Variants in GRM7 observed in about 807,000 individuals in gnomAD.
The protein encoded by GRM7 is glutamate metabotropic receptor 7.
GRM7 carries 35 observed loss-of-function variants against 84.5 expected under a neutral mutation model. The ratio of observed to expected loss-of-function variants is 0.41; its 90% CI spans 0.32 to 0.55. GRM7 has a LOEUF of 0.55. Ranked by LOEUF, GRM7 falls within the 20% of genes least tolerant of loss-of-function variation. The pLI is 0.19. For synonymous variants in GRM7, 487 were observed against 455.1 expected, an observed-to-expected ratio of 1.07 and a Z score of -0.89; for missense variants, 1,003 against 1,194.6, an observed-to-expected ratio of 0.84 and a Z score of 2.36.
chr3:7,128,980 T>C (rs1693499442), intron 1 of GRM7, among the ~76,000 whole-genome samples: 2 of 152,210 alleles, frequency 1.3e-5, no homozygotes, highest in Admixed American at 6.5e-5. Flanking sequence ...AACTTGCTCA[T>C]GTTAAAATTC....
chr3:7,341,305 A>C (rs1559250039), intron 4 of GRM7, among the ~76,000 whole-genome samples: 1 of 151,994 alleles, frequency 6.6e-6, no homozygotes. Flanking sequence ...CTATTATTTA[A>C]AGGAGATTGT....
At chr3:7,685,483 C>CT (rs912696120) in intron 9 of GRM7, among the ~76,000 whole-genome samples, 5 of 151,970 alleles carry the variant, frequency 3.3e-5, no homozygotes, top group Admixed American at 2.0e-4. Flanking sequence ...GGGACACACC[C>CT]TTTTTTTTGG....
intron 2 of GRM7, among the ~76,000 whole-genome samples, chr3:7,238,647 A>G (rs1326451795): frequency 6.6e-6 from 1 of 152,162 alleles, no homozygotes; most frequent in African/African-American, 2.4e-5. Flanking sequence ...AACATATTCA[A>G]AAGTCAGGTG....
intron 4 of GRM7, among the ~76,000 whole-genome samples, chr3:7,363,221 A>G (rs1423307781): frequency 6.6e-6 from 1 of 151,884 alleles, no homozygotes; most frequent in East Asian, 1.9e-4. Context: ...ATCACTCAGA[A>G]TTTTTGTCGT....
rs141499269 is a variant in GRM7 at position 7,338,115 on chromosome 3, T to TACACACACAC, written c.1033+31482_1033+31491dup. Among the ~76,000 whole-genome samples, 271 of 146,952 alleles carry TACACACACAC rather than the reference T, an allele frequency of 1.8e-3. 1 individual carries two copies. Among genetic ancestry groups the TACACACACAC allele is most frequent in the Middle Eastern group, 0.011 (3 of 284 alleles). On this transcript the variant is annotated intron_variant, in intron 4 of 9. Transcript: ENST00000357716. ...TATATCATCTACATATATATTTATGTACACACACACACACACACACACACA... is the reference window on the plus strand; with the variant it reads ...TATATCATCTACATATATATTTATGTACACACACACACACACACACACACACACACACACA...
rs1559411978 is a variant in GRM7 at position 7,572,874 on chromosome 3, ATAT to A, written c.1516-5547_1516-5545del. Among the ~76,000 whole-genome samples, 22 of 90,160 alleles carry A rather than the reference ATAT, an allele frequency of 2.4e-4. 1 individual carries two copies. Among genetic ancestry groups the A allele is most frequent in the African/African-American group, 9.3e-4 (21 of 22,462 alleles). 59.1% of individuals were successfully genotyped at this position (90,160 alleles called of 152,430 possible). On this transcript the variant is annotated intron_variant, in intron 7 of 9. Transcript: ENST00000357716. ...TATATATATATATATATATATATAT[ATAT>A]ATAAATAATCTTTCTACCTATAATA... is the stretch of plus-strand genomic sequence containing the variant.
chr3:7,610,482 CAT>C (rs1696801674), intron 8 of GRM7, among the ~76,000 whole-genome samples: 1 of 152,080 alleles, frequency 6.6e-6, no homozygotes, highest in Admixed American at 6.5e-5. Flanking sequence ...AGGTATTTTT[CAT>C]TTATGTTTTC....
chr3:7,247,593 CT>C (rs139175818), intron 2 of GRM7, among the ~76,000 whole-genome samples: 9 of 126,030 alleles, frequency 7.1e-5, no homozygotes, highest in Middle Eastern at 4.3e-3. Context: ...GACACTCTCT[CT>C]TTTTTTTTAA....
At chr3:7,392,079 C>G (rs1695025327) in intron 4 of GRM7, among the ~76,000 whole-genome samples, 1 of 152,194 alleles carries the variant, frequency 6.6e-6, no homozygotes, top group African/African-American at 2.4e-5. Context: ...CTTTGGCAGA[C>G]TGTGCTATCC....
chr3:7,610,216 A>G (rs1459505611), intron 8 of GRM7, among the ~76,000 whole-genome samples: 2 of 152,182 alleles, frequency 1.3e-5, no homozygotes, highest in South Asian at 2.1e-4. Context: ...TTAGCGGTCC[A>G]GTTATCTCTT....
At chr3:7,250,361 A>G (rs1697933063) in intron 2 of GRM7, among the ~76,000 whole-genome samples, 1 of 149,156 alleles carries the variant, frequency 6.7e-6, no homozygotes, top group Non-Finnish European at 1.5e-5. Context: ...TAGTTTAAAG[A>G]GTGAGTATAT....
intron 2 of GRM7, among the ~76,000 whole-genome samples, chr3:7,252,044 C>A (rs1698011543): frequency 6.6e-6 from 1 of 152,040 alleles, no homozygotes; most frequent in African/African-American, 2.4e-5. Context: ...ACCCACCTTC[C>A]CCCACTAAAC....
intron 4 of GRM7, among the ~76,000 whole-genome samples, chr3:7,339,000 G>C (rs1383929541): frequency 6.6e-6 from 1 of 150,852 alleles, no homozygotes; most frequent in Admixed American, 6.6e-5. Flanking sequence ...TTTCATATCT[G>C]TGTCTTTCAT....
intron 2 of GRM7, among the ~76,000 whole-genome samples, chr3:7,210,114 A>G (rs1250860320): frequency 2.0e-5 from 3 of 152,200 alleles, no homozygotes; most frequent in Non-Finnish European, 2.9e-5. Context: ...ATCCCATAAA[A>G]TATCTCTTTG....
At chr3:7,344,992 A>G (rs1253889151) in intron 4 of GRM7, among the ~76,000 whole-genome samples, 1 of 152,206 alleles carries the variant, frequency 6.6e-6, no homozygotes, top group Non-Finnish European at 1.5e-5. Flanking sequence ...TTTGATCATT[A>G]CACATTATAC....
chr3:7,029,301 CAAAAAAA>C (rs57622634), intron 1 of GRM7, among the ~76,000 whole-genome samples: 1 of 55,210 alleles, frequency 1.8e-5, no homozygotes, highest in African/African-American at 4.2e-5. Context: ...GACTCTGCCT[CAAAAAAA>C]AAAAAACAAA....
At chr3:7,385,361 C>A (rs1338759194) in intron 4 of GRM7, among the ~76,000 whole-genome samples, 3 of 125,142 alleles carry the variant, frequency 2.4e-5, no homozygotes, top group African/African-American at 9.1e-5. Context: ...AGTGCAGTGG[C>A]GTGATCTTGG....
At chr3:7,561,105 C>T (rs1014197686) in intron 7 of GRM7, among the ~76,000 whole-genome samples, 2 of 152,126 alleles carry the variant, frequency 1.3e-5, no homozygotes, top group African/African-American at 4.8e-5. Flanking sequence ...ACTGAAACTA[C>T]TTACAGACCT....
intron 5 of GRM7, among the ~76,000 whole-genome samples, chr3:7,428,999 T>C (rs73810644): frequency 1.1e-3 from 174 of 152,270 alleles, no homozygotes; most frequent in African/African-American, 4.1e-3. Context: ...TTGAGGGGAA[T>C]TGCTTTCTTG....
Sources: allele counts gnomAD v4.1 joint callset (sites outside exome capture counted in the v4.1 genomes callset), GRCh38; gene constraint gnomAD v4.1.1; transcripts MANE v1.5; gene names NCBI Gene and HGNC (gene_info 2026-07-23, HGNC 2026-07-21).